The following SLC1A1 variants were observed in gnomAD, a reference collection of about 807,000 sequenced individuals.
SLC1A1 encodes the protein excitatory amino acid transporter 3.
In SLC1A1, 43 loss-of-function variants were observed where a neutral mutation model predicts 53.3. The observed-to-expected ratio is 0.81, with a 90% CI of 0.63 to 1.04. The LOEUF is 1.04. Ranked by LOEUF, SLC1A1 falls within the 50% of genes least tolerant of loss-of-function variation. SLC1A1 has a pLI of 0.00. For missense variants in SLC1A1, 748 were observed against 664.9 expected (o/e 1.12, Z -1.37); for synonymous variants, 307 against 243.2 (o/e 1.26, Z -2.44).
chr9:4,514,948 C>T (rs1202999179), intron 1 of SLC1A1, among the ~76,000 whole-genome samples: 1 of 152,064 alleles, frequency 6.6e-6, no homozygotes, highest in Admixed American at 6.5e-5. Flanking sequence ...CCATCACTCA[C>T]TTGTCTTCTG....
At chr9:4,548,443 A>G (rs1278743805) in intron 2 of SLC1A1, among the ~76,000 whole-genome samples, 1 of 152,202 alleles carries the variant, frequency 6.6e-6, no homozygotes, top group Admixed American at 6.5e-5. Flanking sequence ...ACACAGCTAG[A>G]ATTCAGACCC....
chr9:4,543,598 C>T (rs1282259873), intron 1 of SLC1A1, among the ~76,000 whole-genome samples: 1 of 152,178 alleles, frequency 6.6e-6, no homozygotes, highest in Non-Finnish European at 1.5e-5. Context: ...CATGTCCCTA[C>T]ACTCACATAA....
chr9:4,534,214 C>T (rs1405516314), intron 1 of SLC1A1, among the ~76,000 whole-genome samples: 1 of 151,996 alleles, frequency 6.6e-6, no homozygotes, highest in Non-Finnish European at 1.5e-5. Flanking sequence ...AAGATCAGAG[C>T]AGAACTGAAG....
chr9:4,532,049 C>T (rs969465566), intron 1 of SLC1A1, among the ~76,000 whole-genome samples: 1 of 152,156 alleles, frequency 6.6e-6, no homozygotes, highest in Non-Finnish European at 1.5e-5. Flanking sequence ...ACCAAAACCC[C>T]ATCTGTACAT....
intron 2 of SLC1A1, among the ~76,000 whole-genome samples, chr9:4,547,379 G>C (rs1586752041): frequency 6.6e-6 from 1 of 152,166 alleles, no homozygotes; most frequent in African/African-American, 2.4e-5. Context: ...AAGAACTAGA[G>C]GCAGCGAGCA....
chr9:4,575,203 T>C (rs1820434431), intron 8 of SLC1A1, among the ~76,000 whole-genome samples: 1 of 152,168 alleles, frequency 6.6e-6, no homozygotes, highest in African/African-American at 2.4e-5. Flanking sequence ...AGGATCTATA[T>C]TTTTGATGGC....
rs528484118 is a variant in SLC1A1 at position 4,525,764 on chromosome 9, T to C, written c.92-18803T>C. 1.2e-4 allele frequency among the ~76,000 whole-genome samples: 19 copies of C among 152,018 alleles called. No individual in the cohort carries two copies. In the South Asian group the frequency reaches 3.7e-3, roughly 30 times the overall value. The stretch of plus-strand genomic sequence containing the variant: ...TAAGGACTGGAAACTGCAAAATAGG[T>C]GTGAGAAAAATCAGTCAATGCATCA... On this transcript the variant is annotated intron_variant, in intron 1 of 11. Transcript: ENST00000262352.
At chr9:4,525,308 C>G (rs556761518) in intron 1 of SLC1A1, among the ~76,000 whole-genome samples, 1 of 152,298 alleles carries the variant, frequency 6.6e-6, no homozygotes, top group South Asian at 2.1e-4. Context: ...ATACTTCCCT[C>G]AGTGCATCAT....
chr9:4,511,701 A>G (rs906419163), intron 1 of SLC1A1, among the ~76,000 whole-genome samples: 1 of 152,098 alleles, frequency 6.6e-6, no homozygotes, highest in Admixed American at 6.6e-5. Flanking sequence ...TTTCTTTTGA[A>G]TATCTCACTG....
intron 1 of SLC1A1, among the ~76,000 whole-genome samples, chr9:4,515,333 A>C (rs1309951537): frequency 6.6e-6 from 1 of 152,154 alleles, no homozygotes; most frequent in African/African-American, 2.4e-5. Flanking sequence ...AGTATCAGAT[A>C]TTCTATAGGC....
chr9:4,502,389 G>GAAAAAAAAA (rs775499017), intron 1 of SLC1A1, among the ~76,000 whole-genome samples: 3 of 56,492 alleles, frequency 5.3e-5, no homozygotes, highest in Non-Finnish European at 8.8e-5. Flanking sequence ...CCTGTCTCCA[G>GAAAAAAAAA]AAAAAAAAAA....
At chr9:4,566,233 G>C (rs1195389538) in intron 5 of SLC1A1, 144 bp downstream of exon 5, 9 of 776,926 alleles carry the variant, frequency 1.2e-5, no homozygotes, top group African/African-American at 6.8e-5. Flanking sequence ...CCAAGTTTAA[G>C]GTGATGTCTC....
At chr9:4,536,665 C>A (rs894868352) in intron 1 of SLC1A1, among the ~76,000 whole-genome samples, 2 of 152,186 alleles carry the variant, frequency 1.3e-5, no homozygotes, top group Admixed American at 1.3e-4. Context: ...ACTAGAAATA[C>A]CATTTGACCT....
At chr9:4,499,418 A>C (rs746503377) in intron 1 of SLC1A1, among the ~76,000 whole-genome samples, 1 of 152,200 alleles carries the variant, frequency 6.6e-6, no homozygotes, top group Non-Finnish European at 1.5e-5. Context: ...TGGCCTCGCC[A>C]AAGTTCTACA....
intron 1 of SLC1A1, among the ~76,000 whole-genome samples, chr9:4,531,329 G>C (rs1191192707): frequency 6.6e-6 from 1 of 152,218 alleles, no homozygotes; most frequent in Non-Finnish European, 1.5e-5. Flanking sequence ...GTGACAGATG[G>C]CACCTGGAAA....
chr9:4,515,385 G>A (rs961973256), intron 1 of SLC1A1, among the ~76,000 whole-genome samples: 2 of 152,168 alleles, frequency 1.3e-5, no homozygotes, highest in Non-Finnish European at 2.9e-5. Context: ...AAAAGTCTGA[G>A]GTTTTCTGAA....
chr9:4,536,893 G>C (rs561812604), intron 1 of SLC1A1, among the ~76,000 whole-genome samples: 3 of 152,002 alleles, frequency 2.0e-5, no homozygotes, highest in Non-Finnish European at 2.9e-5. Context: ...GTCCTTTGTA[G>C]GGACATGTAT....
chr9:4,533,646 A>G (rs1816561597), intron 1 of SLC1A1, among the ~76,000 whole-genome samples: 2 of 152,190 alleles, frequency 1.3e-5, no homozygotes, highest in Non-Finnish European at 2.9e-5. Flanking sequence ...TCAACATTAG[A>G]CAGATCAACG....
Position 4,540,012 on chromosome 9 carries a change from T to A in SLC1A1, c.92-4555T>A, listed in dbSNP as rs569609743. 2.6e-5 allele frequency among the ~76,000 whole-genome samples: 4 copies of A among 152,274 alleles called. No homozygotes were observed. In the South Asian group the frequency reaches 8.3e-4, roughly 32 times the overall value. On this transcript the variant is annotated intron_variant, in intron 1 of 11. Transcript: ENST00000262352. ...CCATGGCCCAAAGTGAGAACATACA[T>A]TCTTGTTTTCCTGCTCAAATGTTGC...
Sources: allele counts gnomAD v4.1 joint callset (sites outside exome capture counted in the v4.1 genomes callset), GRCh38; gene constraint gnomAD v4.1.1; transcripts MANE v1.5; gene names NCBI Gene and HGNC (gene_info 2026-07-23, HGNC 2026-07-21).